Variants in KIF1B observed in about 807,000 individuals in gnomAD.
KIF1B encodes the protein kinesin family member 1B.
KIF1B carries 76 observed loss-of-function variants against 241.9 expected under a neutral mutation model. That is an observed-to-expected ratio of 0.31 (90% CI 0.26 to 0.38). The LOEUF is 0.38. Ranked by LOEUF, KIF1B falls within the 10% of genes least tolerant of loss-of-function variation. The probability of loss-of-function intolerance (pLI) is 1.00; values close to 1 mark genes in which losing one functional copy is unlikely to be tolerated. For synonymous variants in KIF1B, 750 were observed against 796.7 expected (o/e 0.94, Z 0.99); for missense variants, 1,622 against 2,271.4 (o/e 0.71, Z 5.81).
chr1:10,300,034 C>T (rs11121537), intron 22 of KIF1B, among the ~76,000 whole-genome samples: 48,258 of 151,432 alleles, frequency 0.32, 7,802 homozygotes, highest in Middle Eastern at 0.37. Context: ...GTCAGGAGTT[C>T]GAGACCAGCC....
chr1:10,309,646 C>T (rs1023280103), intron 22 of KIF1B, among the ~76,000 whole-genome samples: 3 of 151,464 alleles, frequency 2.0e-5, no homozygotes, highest in Non-Finnish European at 4.4e-5. Flanking sequence ...TTAATTGTAC[C>T]ACCATCATCT....
Position 10,368,488 on chromosome 1 carries a change from A to G in KIF1B, c.4774A>G (p.Thr1592Ala), listed in dbSNP as rs1229354433. The change falls in exon 44 of 49, where the codon ACT (threonine) becomes GCT (alanine). Residue 1592 changes from threonine (T) to alanine (A), a missense_variant. Physicochemically the swap from Thr to Ala is moderately conservative, Grantham distance 58. Around this residue, in one of 7 missense-constraint regions of KIF1B, gnomAD observed 357 missense variants for 409.0 expected, o/e 0.87. Transcript: ENST00000676179. ...ATKCLQLLTHTFNREFSQVHG... is the reference protein window; with the variant it reads ...ATKCLQLLTHAFNREFSQVHG... ...TTAGTGCCTGCAACTTCTCACCCAC[A>G]CTTTCAACAGAGAATTCAGCCAGGT... 1 of 1,613,922 alleles carries G rather than the reference A, an allele frequency of 6.2e-7. No individual in the cohort carries two copies. Among genetic ancestry groups the G allele is most frequent in the Non-Finnish European group, 8.5e-7 (1 of 1,179,916 alleles).
At chr1:10,268,356 G>A in intron 7 of KIF1B, 93 bp downstream of exon 7, 1 of 806,012 alleles carries the variant, frequency 1.2e-6, no homozygotes. Context: ...GGAAGGTTGG[G>A]TGTTGGGGGG....
In KIF1B at chr1:10,371,238, C is replaced by T. The variant is rs748589511; in HGVS notation, c.4922C>T (p.Ser1641Phe). 4 of 1,613,994 alleles carry T rather than the reference C, an allele frequency of 2.5e-6. No individual in the cohort carries two copies. In the South Asian group the frequency reaches 4.4e-5, roughly 18 times the overall value. The change falls in exon 45 of 49, where the codon TCT becomes TTT. Residue 1641 changes from serine (S) to phenylalanine (F), a missense_variant. Around this residue, in one of 7 missense-constraint regions of KIF1B, gnomAD observed 357 missense variants for 409.0 expected, o/e 0.87. Coordinates refer to ENST00000676179, the MANE Select transcript of KIF1B (RefSeq NM_001365951.3). ...PSSTCPSLVD[S>F]RSNSLDQKTP... ...TCCACCTGTCCCTCTCTGGTAGACT[C>T]TAGGAGCAACTCTCTGGATCAGAAG...
chr1:10,321,827 C>CA lies in KIF1B; in HGVS notation c.2330dup (p.Asn777LysfsTer20). The CA allele has an allele frequency of 6.2e-7, 1 of 1,614,108 alleles. No individual in the cohort carries two copies. The highest frequency in any genetic ancestry group is 8.5e-7 in the Non-Finnish European group (1 of 1,180,020). On this transcript the variant is annotated frameshift_variant, in exon 24 of 49. Coordinates refer to ENST00000676179, the MANE Select transcript of KIF1B (RefSeq NM_001365951.3). LOFTEE classifies it high-confidence loss of function. Reference sequence around the variant, plus strand: ...GCAATGCCGTGTACCTAAAGGAGGCCAATGCCATCAGTGTGGAACTGAAAA... The same window carrying CA: ...GCAATGCCGTGTACCTAAAGGAGGCCAAATGCCATCAGTGTGGAACTGAAAA...
intron 1 of KIF1B, among the ~76,000 whole-genome samples, chr1:10,215,913 C>G (rs1024233568): frequency 1.3e-5 from 2 of 152,146 alleles, no homozygotes; most frequent in East Asian, 3.9e-4. Flanking sequence ...TTTTTGACAT[C>G]ATCTTGGCAG....
intron 12 of KIF1B, among the ~76,000 whole-genome samples, chr1:10,277,075 A>G (rs1970379): frequency 0.52 from 78,190 of 149,440 alleles, 20,985 homozygotes; most frequent in African/African-American, 0.65. Context: ...GCGAGACTCC[A>G]TCTCAAAAAA....
chr1:10,339,143 G>A (rs185668540), intron 31 of KIF1B, among the ~76,000 whole-genome samples: 2 of 152,182 alleles, frequency 1.3e-5, no homozygotes, highest in African/African-American at 4.8e-5. Flanking sequence ...ACTAAATATA[G>A]CCCATTGTTT....
intron 1 of KIF1B, among the ~76,000 whole-genome samples, chr1:10,225,710 G>A (rs932179915): frequency 6.6e-6 from 1 of 152,142 alleles, no homozygotes; most frequent in Non-Finnish European, 1.5e-5. Context: ...AAAAACTTGG[G>A]ATGCATTCTG....
intron 22 of KIF1B, among the ~76,000 whole-genome samples, chr1:10,313,548 ATTT>A (rs33994083): frequency 8.2e-6 from 1 of 121,398 alleles, no homozygotes; most frequent in Non-Finnish European, 1.7e-5. Context: ...ACTAGTTAGG[ATTT>A]TTTTTTTTTT....
chr1:10,338,239 G>T (rs958549948), intron 31 of KIF1B, among the ~76,000 whole-genome samples: 1 of 152,164 alleles, frequency 6.6e-6, no homozygotes, highest in African/African-American at 2.4e-5. Flanking sequence ...GTGCCACCAA[G>T]AGGCTGCTTT....
At chr1:10,300,592 T>C (rs1409057969) in intron 22 of KIF1B, among the ~76,000 whole-genome samples, 4 of 152,172 alleles carry the variant, frequency 2.6e-5, no homozygotes, top group South Asian at 2.1e-4. Context: ...TTAGGTAATA[T>C]TCATTTCATC....
intron 43 of KIF1B, among the ~76,000 whole-genome samples, chr1:10,366,303 C>T (rs184418393): frequency 6.6e-6 from 1 of 151,950 alleles, no homozygotes; most frequent in Non-Finnish European, 1.5e-5. Context: ...AGGTCACAAG[C>T]ATATAATAGA....
At chr1:10,230,289 T>C (rs1327278933) in intron 1 of KIF1B, among the ~76,000 whole-genome samples, 1 of 152,202 alleles carries the variant, frequency 6.6e-6, no homozygotes. Context: ...ATTGGTCAGA[T>C]TTAAGTTCTG....
chr1:10,369,371 G>A (rs112997835), intron 44 of KIF1B, among the ~76,000 whole-genome samples: 5,318 of 152,322 alleles, frequency 0.035, 116 homozygotes, highest in Middle Eastern at 0.13. Flanking sequence ...GTGCATACCT[G>A]TAATCCCAGC....
chr1:10,365,816 G>A lies in KIF1B; in HGVS notation c.4752+168G>A, dbSNP rs1638556576. On this transcript the variant is annotated intron_variant, in intron 43 of 48. Coordinates refer to ENST00000676179, the MANE Select transcript of KIF1B (RefSeq NM_001365951.3). The surrounding 1 kb of genome is among the most constrained non-coding windows in gnomAD (Gnocchi z 4.0). ...TTCCTACCCTCAACAAGCTTACAGG[G>A]CCAGGCACAGTGCCTGATGCCTATT... 6.6e-6 allele frequency among the ~76,000 whole-genome samples: 1 copy of A among 152,168 alleles called. No homozygotes were observed. The highest frequency in any genetic ancestry group is 2.4e-5 in the African/African-American group (1 of 41,422).
At chr1:10,263,271 A>C (rs1474444976) in intron 5 of KIF1B, among the ~76,000 whole-genome samples, 1 of 147,344 alleles carries the variant, frequency 6.8e-6, no homozygotes, top group Non-Finnish European at 1.5e-5. Flanking sequence ...AGTCTGTCTC[A>C]AAAAAAAAAT....
Position 10,374,936 on chromosome 1 carries a change from C to T in KIF1B, c.5179C>T (p.Arg1727Trp), listed in dbSNP as rs1638840920. 6.2e-7 allele frequency: 1 copy of T among 1,614,122 alleles called. No individual in the cohort carries two copies. Among genetic ancestry groups the T allele is most frequent in the Non-Finnish European group, 8.5e-7 (1 of 1,180,004 alleles). Residue 1727 changes from arginine (R) to tryptophan (W), a missense_variant, in exon 47 of 49, where the codon CGG (arginine) becomes TGG (tryptophan). Coordinates refer to ENST00000676179, the MANE Select transcript of KIF1B (RefSeq NM_001365951.3). The surrounding 1 kb of genome is among the most constrained non-coding windows in gnomAD (Gnocchi z 4.3). ...GGCTAAACATTTTGTTGTCGTCCGTCGGCCTTATGTCTTCATCTATAACAG... is the reference window on the plus strand; with the variant it reads ...GGCTAAACATTTTGTTGTCGTCCGTTGGCCTTATGTCTTCATCTATAACAG... ...NWAKHFVVVR[R>W]PYVFIYNSDK...
At chr1:10,345,738 T>A (rs1652564351) in intron 34 of KIF1B, 107 bp from the exon 35 acceptor site, 4 of 800,202 alleles carry the variant, frequency 5.0e-6, no homozygotes, top group Middle Eastern at 4.4e-4. Context: ...CCTCTGACTC[T>A]TGCTGCCTTT....
Sources: gnomAD v4.1 joint callset for allele counts (sites outside exome capture counted in the v4.1 genomes callset) on GRCh38, gnomAD v4.1.1 for gene constraint, gnomAD v4.1.1 regional missense constraint, Gnocchi (gnomAD v3.1) non-coding constraint, MANE v1.5 for transcripts, NCBI Gene and HGNC (gene_info 2026-07-23, HGNC 2026-07-21) for gene names.